Variants in NLK observed in about 807,000 individuals in gnomAD.
The protein encoded by NLK is nemo like kinase.
Under a neutral mutation model 59.0 loss-of-function variants are expected in NLK, and 11 were observed. The observed-to-expected ratio is 0.19, with a 90% confidence interval of 0.12 to 0.31. The LOEUF (loss-of-function observed/expected upper bound fraction) is 0.31, where lower values mean the gene tolerates loss of function less well. NLK is among the 10% of genes least tolerant of loss of function. The pLI, the probability that NLK is intolerant of heterozygous loss-of-function variation, is 1.00. For synonymous variants in NLK, 235 were observed against 235.9 expected (o/e 1.00, Z 0.03); for missense variants, 410 against 661.1 (o/e 0.62, Z 4.16).
At chr17:28,185,141 G>A in intron 7 of NLK, 38 bp from the exon 8 acceptor site, 1 of 1,258,230 alleles carries the variant, frequency 7.9e-7, no homozygotes, top group Non-Finnish European at 1.1e-6. Context: ...TTTACACAAA[G>A]ACTCACTTAA....
intron 1 of NLK, among the ~76,000 whole-genome samples, chr17:28,104,118 TTCTCAACTAGA>T (rs1328542193): frequency 6.6e-6 from 1 of 152,214 alleles, no homozygotes; most frequent in African/African-American, 2.4e-5. Context: ...TCTAACCAGT[TTCTCAACTAGA>T]TCTTGGCCAT....
intron 3 of NLK, among the ~76,000 whole-genome samples, chr17:28,147,133 T>G (rs1474561200): frequency 6.6e-6 from 1 of 152,152 alleles, no homozygotes; most frequent in Admixed American, 6.5e-5. Context: ...ATCTTTTTTC[T>G]CAGTCTTGTC....
At chr17:28,199,687 AAAC>A (rs1465026444), downstream of NLK, among the ~76,000 whole-genome samples, 2 of 8,512 alleles carry the variant, frequency 2.3e-4, no homozygotes, top group Admixed American at 2.1e-3. Flanking sequence ...AAAAAAAACA[AAAC>A]AAAACAAAAA....
chr17:28,177,145 G>A (rs1286730076), intron 7 of NLK, among the ~76,000 whole-genome samples: 1 of 152,158 alleles, frequency 6.6e-6, no homozygotes, highest in African/African-American at 2.4e-5. Flanking sequence ...GGAAGAGAAA[G>A]GAGGGGTGGC....
intron 1 of NLK, among the ~76,000 whole-genome samples, chr17:28,074,823 T>C (rs1363900830): frequency 6.6e-6 from 1 of 152,018 alleles, no homozygotes. Context: ...AGTGTAGCGG[T>C]TGGGATGACT....
chr17:28,181,045 A>G (rs969912113), intron 7 of NLK, among the ~76,000 whole-genome samples: 1 of 152,076 alleles, frequency 6.6e-6, no homozygotes, highest in Non-Finnish European at 1.5e-5. Context: ...CTTGAGACCA[A>G]GGGTTTGAGA....
At chr17:28,133,851 G>C (rs1237560918) in intron 3 of NLK, among the ~76,000 whole-genome samples, 1 of 152,028 alleles carries the variant, frequency 6.6e-6, no homozygotes, top group Non-Finnish European at 1.5e-5. Context: ...ACAGGGGGTT[G>C]GTAATTCCAT....
chr17:28,112,018 C>A (rs902843770), intron 1 of NLK, among the ~76,000 whole-genome samples: 1 of 151,446 alleles, frequency 6.6e-6, no homozygotes, highest in Admixed American at 6.6e-5. Flanking sequence ...AGTTTTTCCT[C>A]ACATGCAGGA....
Position 28,122,704 on chromosome 17 carries a change from A to C in NLK, c.560A>C (p.Lys187Thr). 2 of 1,613,862 alleles carry C rather than the reference A, an allele frequency of 1.2e-6. No individual in the cohort carries two copies. Among genetic ancestry groups the C allele is most frequent in the Non-Finnish European group, 1.7e-6 (2 of 1,179,808 alleles). The change falls in exon 2 of 11, where the codon AAG becomes ACG. Residue 187 changes from lysine to threonine, a missense_variant. Lys to Thr is a moderately conservative substitution (Grantham distance 78). Transcript: ENST00000407008. ...TGCAAAAGGGTCTTCCGGGAATTGA[A>C]GATGTTGTGTTTTTTTAAGCATGAT... ...VSCKRVFREL[K>T]MLCFFKHDNV... is the part of the protein sequence containing the mutation.
intron 3 of NLK, among the ~76,000 whole-genome samples, chr17:28,154,483 A>C (rs1299503942): frequency 6.6e-6 from 1 of 152,138 alleles, no homozygotes; most frequent in Non-Finnish European, 1.5e-5. Context: ...TAATACCTTA[A>C]AGCTCTAAGC....
intron 1 of NLK, among the ~76,000 whole-genome samples, chr17:28,094,290 G>A (rs1904617744): frequency 6.6e-6 from 1 of 152,222 alleles, no homozygotes; most frequent in Admixed American, 6.5e-5. Context: ...CGTAGTTTGA[G>A]AGATGATGTC....
At chr17:28,111,897 G>T (rs868391129) in intron 1 of NLK, among the ~76,000 whole-genome samples, 1,477 of 30,680 alleles carry the variant, frequency 0.048, 5 homozygotes, top group East Asian at 0.1. Flanking sequence ...TGTGTGTGTG[G>T]TGTGTGTGTG....
At chr17:28,132,555 C>A in intron 2 of NLK, 65 bp from the exon 3 acceptor site, 1 of 1,219,976 alleles carries the variant, frequency 8.2e-7, no homozygotes, top group Non-Finnish European at 1.2e-6. Flanking sequence ...TATTTACTTG[C>A]ATTTATGTCG....
intron 5 of NLK, among the ~76,000 whole-genome samples, chr17:28,167,999 G>A (rs1296008703): frequency 6.6e-6 from 1 of 151,698 alleles, no homozygotes; most frequent in Non-Finnish European, 1.5e-5. Flanking sequence ...ATTGTATATT[G>A]ACATAAATAT....
intron 1 of NLK, among the ~76,000 whole-genome samples, chr17:28,056,039 AACAGTTGTTTGTAACCT>A (rs1909432259): frequency 6.6e-6 from 1 of 152,216 alleles, no homozygotes; most frequent in Non-Finnish European, 1.5e-5. Context: ...TGAAAGGAAA[AACAGTTGTTTGTAACCT>A]ACAACTCAGA....
At chr17:28,201,425 T>C in the NLK span, among the ~76,000 whole-genome samples, 25 of 147,470 alleles carry the variant, frequency 1.7e-4, no homozygotes, top group East Asian at 4.7e-3. Context: ...TGCATGCCTG[T>C]AATCACAGCT....
chr17:28,188,332 G>A (rs780657391), intron 8 of NLK, among the ~76,000 whole-genome samples: 3 of 152,144 alleles, frequency 2.0e-5, no homozygotes, highest in Non-Finnish European at 4.4e-5. Flanking sequence ...TTTTAAATTA[G>A]CCTGATGCTT....
At chr17:28,174,958 G>A (rs976824858) in intron 7 of NLK, among the ~76,000 whole-genome samples, 6 of 149,556 alleles carry the variant, frequency 4.0e-5, no homozygotes, top group African/African-American at 1.2e-4. Flanking sequence ...ACCTACACAC[G>A]ATTATATTTG....
intron 1 of NLK, among the ~76,000 whole-genome samples, chr17:28,093,403 T>C (rs1904579761): frequency 6.6e-6 from 1 of 152,212 alleles, no homozygotes; most frequent in Admixed American, 6.5e-5. Flanking sequence ...CGATCTCCAT[T>C]AACTCTCCCT....
Sources: allele counts gnomAD v4.1 joint callset (sites outside exome capture counted in the v4.1 genomes callset), GRCh38; gene constraint gnomAD v4.1.1; transcripts MANE v1.5; gene names NCBI Gene and HGNC (gene_info 2026-07-23, HGNC 2026-07-21).